The following CCDC30 variants were observed in gnomAD, a reference collection of about 807,000 sequenced individuals.
CCDC30 encodes the protein coiled-coil domain-containing protein 30.
A neutral mutation model predicts 100.2 loss-of-function variants in CCDC30; 70 were observed. The ratio of observed to expected loss-of-function variants is 0.70; its 90% confidence interval spans 0.58 to 0.85. The LOEUF (loss-of-function observed/expected upper bound fraction) is 0.85, where lower values mean the gene tolerates loss of function less well. Among genes scored for constraint, CCDC30 ranks in the 40% least tolerant of loss-of-function variants. The pLI is 0.00. For synonymous variants in CCDC30, 233 were observed against 269.5 expected (o/e 0.86, Z 1.33); for missense variants, 652 against 771.2 (o/e 0.85, Z 1.83).
At chr1:42,548,044 A>G (rs557459670) in intron 6 of CCDC30, among the ~76,000 whole-genome samples, 2 of 152,300 alleles carry the variant, frequency 1.3e-5, no homozygotes, top group East Asian at 3.9e-4. Context: ...GAGATATGGC[A>G]TGTTCAAGAG....
chr1:42,479,924 A>G (rs1168898936), intron 1 of CCDC30, among the ~76,000 whole-genome samples: 3 of 152,140 alleles, frequency 2.0e-5, no homozygotes, highest in African/African-American at 7.2e-5. Context: ...TCATTAGTTT[A>G]AGGACTGTGT....
At chr1:42,508,576 A>G (rs551811766) in intron 6 of CCDC30, among the ~76,000 whole-genome samples, 11 of 152,304 alleles carry the variant, frequency 7.2e-5, no homozygotes, top group African/African-American at 2.4e-4. Flanking sequence ...AGATAACACA[A>G]TGCGAAACAG....
chr1:42,459,650 T>C, upstream of CCDC30: 2 of 1,614,154 alleles, frequency 1.2e-6, no homozygotes, highest in Admixed American at 1.7e-5. Flanking sequence ...TGGTTAAAGA[T>C]TGGGCTCCCA....
At chr1:42,568,109 A>G (rs183483333) in intron 7 of CCDC30, among the ~76,000 whole-genome samples, 56 of 151,962 alleles carry the variant, frequency 3.7e-4, no homozygotes, top group Admixed American at 3.3e-3. Flanking sequence ...TGTCCACTTT[A>G]TCTCTTTTTG....
chr1:42,517,699 T>A (rs1644576855), intron 6 of CCDC30, among the ~76,000 whole-genome samples: 1 of 152,238 alleles, frequency 6.6e-6, no homozygotes, highest in Admixed American at 6.5e-5. Context: ...GCACTCTTGT[T>A]GAAAATCATT....
rs114361219 is a variant in CCDC30 at position 42,583,808 on chromosome 1, C to G, written c.1001+2294C>G. On this transcript the variant is annotated intron_variant, in intron 9 of 16. Transcript: ENST00000668663. ...ATCTTATGCTAGAGCTTGAAGTCTGCAGGGCAAACAATCATGAAATGAAGT... is the reference window on the plus strand; with the variant it reads ...ATCTTATGCTAGAGCTTGAAGTCTGGAGGGCAAACAATCATGAAATGAAGT... 7.5e-4 allele frequency among the ~76,000 whole-genome samples: 114 copies of G among 152,242 alleles called. 1 individual carries two copies. Among genetic ancestry groups the G allele is most frequent in the Non-Finnish European group, 1.5e-3 (100 of 68,018 alleles).
chr1:42,478,496 C>T (rs184033686), intron 1 of CCDC30, among the ~76,000 whole-genome samples: 40 of 152,218 alleles, frequency 2.6e-4, no homozygotes, highest in African/African-American at 5.8e-4. Context: ...CGGTGGCTCA[C>T]GCCTGTAATC....
chr1:42,498,515 A>G (rs1644261988), intron 5 of CCDC30, among the ~76,000 whole-genome samples: 1 of 152,222 alleles, frequency 6.6e-6, no homozygotes, highest in South Asian at 2.1e-4. Context: ...ATGAATAAAA[A>G]GTGAAGATTG....
At chr1:42,509,032 A>G (rs1264807897) in intron 6 of CCDC30, among the ~76,000 whole-genome samples, 1 of 152,208 alleles carries the variant, frequency 6.6e-6, no homozygotes, top group Non-Finnish European at 1.5e-5. Flanking sequence ...TCACAGGTGA[A>G]ACCAACCAGC....
At chr1:42,530,126 C>G (rs1022969016) in intron 6 of CCDC30, among the ~76,000 whole-genome samples, 1 of 152,184 alleles carries the variant, frequency 6.6e-6, no homozygotes, top group Non-Finnish European at 1.5e-5. Flanking sequence ...GATCCAAGAT[C>G]ACTCAAAGCA....
At chr1:42,652,318 G>T (rs921021486) in intron 15 of CCDC30, among the ~76,000 whole-genome samples, 2 of 152,154 alleles carry the variant, frequency 1.3e-5, no homozygotes, top group African/African-American at 4.8e-5. Context: ...GCTGAGGGGT[G>T]AGGAGGCAAT....
At position 42,508,899 on chromosome 1, in the gene CCDC30, G is replaced by C. The variant is rs534232602; in HGVS notation, c.456+9983G>C. ...AGGTTTTTAAAATATACCCTTGCTT[G>C]GATATCCGCTTTTAATCAAACTGAG... On this transcript the variant is annotated intron_variant, in intron 6 of 16. Transcript: ENST00000668663. Among the ~76,000 whole-genome samples the C allele has an allele frequency of 5.9e-5, 9 of 152,254 alleles. No homozygotes were observed. The South Asian group carries it at 1.7e-3, about 28-fold the overall frequency.
intron 10 of CCDC30, among the ~76,000 whole-genome samples, chr1:42,610,360 A>G (rs1415897074): frequency 1.3e-5 from 2 of 152,204 alleles, no homozygotes; most frequent in African/African-American, 4.8e-5. Context: ...ATCAGAGTTA[A>G]TTAACTGAAG....
At chr1:42,474,707 A>G (rs1324713751) in intron 1 of CCDC30, among the ~76,000 whole-genome samples, 2 of 152,122 alleles carry the variant, frequency 1.3e-5, no homozygotes, top group African/African-American at 4.8e-5. Flanking sequence ...CTTATTCCCT[A>G]TGTGACAAGG....
In CCDC30 at chr1:42,497,082, T is replaced by G. The variant is rs922104926; in HGVS notation, c.242-16T>G. ...CTTTGATCCAGTTGAGTAAACTGTG[T>G]TCTTCTCTGTTTTAGATGCAGCTGA... On this transcript the variant is annotated splice_polypyrimidine_tract_variant and intron_variant, in intron 4 of 16. Transcript: ENST00000668663. 5.7e-5 allele frequency: 69 copies of G among 1,207,138 alleles called. No individual in the cohort carries two copies. The highest frequency in any genetic ancestry group is 7.1e-5 in the Non-Finnish European group (68 of 963,314). The allele number at this position is 1,207,138 out of a possible 1,614,324, so 74.8% of individuals were successfully genotyped here. A position where few individuals can be genotyped will look rare whatever the true frequency, so the allele number is the denominator to read the frequency against.
intron 10 of CCDC30, among the ~76,000 whole-genome samples, chr1:42,602,293 A>T (rs11210679): frequency 0.39 from 59,729 of 151,536 alleles, 12,234 homozygotes; most frequent in Non-Finnish European, 0.45. Flanking sequence ...TAAAAAAAAA[A>T]TTTTGAAGAA....
intron 6 of CCDC30, among the ~76,000 whole-genome samples, chr1:42,522,287 T>A (rs560936049): frequency 5.3e-5 from 8 of 152,310 alleles, no homozygotes; most frequent in African/African-American, 1.4e-4. Flanking sequence ...TGGACTTTTT[T>A]AATCCAATTT....
intron 13 of CCDC30, among the ~76,000 whole-genome samples, chr1:42,644,309 T>A (rs1647697777): frequency 6.6e-6 from 1 of 152,158 alleles, no homozygotes; most frequent in Admixed American, 6.5e-5. Flanking sequence ...GAGAAAGATG[T>A]AAACTGGGAG....
intron 11 of CCDC30, among the ~76,000 whole-genome samples, chr1:42,624,079 T>G (rs187446425): frequency 2.0e-4 from 31 of 152,332 alleles, no homozygotes; most frequent in African/African-American, 6.7e-4. Context: ...TATGTTGATT[T>G]TCTATTCTGC....
Sources: gnomAD v4.1 joint callset for allele counts (sites outside exome capture counted in the v4.1 genomes callset) on GRCh38, gnomAD v4.1.1 for gene constraint, MANE v1.5 for transcripts, NCBI Gene and HGNC (gene_info 2026-07-23, HGNC 2026-07-21) for gene names.